Variants in PHF14 observed in about 807,000 individuals in gnomAD.
PHF14 encodes the protein PHD finger protein 14.
In PHF14, 55 loss-of-function variants were observed where a neutral mutation model predicts 117.9. That is an observed-to-expected ratio of 0.47 (90% confidence interval 0.38 to 0.58). PHF14 has a LOEUF of 0.58. PHF14 is among the 20% of genes least tolerant of loss of function. The probability of loss-of-function intolerance (pLI) is 0.00; values close to 1 mark genes in which losing one functional copy is unlikely to be tolerated. For missense variants in PHF14, 978 were observed against 1,122.2 expected (o/e 0.87, Z 1.84); for synonymous variants, 409 against 368.6 (o/e 1.11, Z -1.26).
At chr7:11,028,590 T>G in intron 6 of PHF14, 91 bp from the exon 7 acceptor site, 5 of 1,152,460 alleles carry the variant, frequency 4.3e-6, no homozygotes, top group Non-Finnish European at 6.3e-6. Context: ...TATTTAGCAT[T>G]TTAAATATTT....
chr7:11,098,175 C>T (rs1786947324), intron 16 of PHF14, among the ~76,000 whole-genome samples: 1 of 152,158 alleles, frequency 6.6e-6, no homozygotes, highest in Admixed American at 6.5e-5. Flanking sequence ...TCTATTCAGA[C>T]ATTTTGATGA....
At chr7:10,994,160 CA>C (rs1209864073) in intron 4 of PHF14, among the ~76,000 whole-genome samples, 6 of 151,552 alleles carry the variant, frequency 4.0e-5, no homozygotes, top group African/African-American at 1.5e-4. Flanking sequence ...AGATCTCAGC[CA>C]AGCACAATGG....
chr7:11,031,347 A>G (rs995835962), intron 7 of PHF14, among the ~76,000 whole-genome samples: 1 of 151,996 alleles, frequency 6.6e-6, no homozygotes, highest in Non-Finnish European at 1.5e-5. Context: ...TTTTTCATCT[A>G]CTTTGTGAAT....
At position 10,982,782 on chromosome 7, in the gene PHF14, G is replaced by A; in HGVS notation, c.523G>A (p.Glu175Lys). Residue 175 changes from glutamate to lysine, a missense_variant, in exon 3 of 18, where the codon GAA becomes AAA. Glu to Lys is a moderately conservative substitution (Grantham distance 56). Around this residue, in one of 7 missense-constraint regions of PHF14, gnomAD observed 414 missense variants for 376.4 expected, o/e 1.10. Transcript: ENST00000634607. The part of the protein sequence containing the change: ...SVPTTTTATE[E>K]QVSEPKKWNL... Reference sequence around the variant, plus strand: ...TCCCACTACGACAACCGCTACAGAGGAACAAGTCAGCGAGCCAAAAAAATG... The same window carrying A: ...TCCCACTACGACAACCGCTACAGAGAAACAAGTCAGCGAGCCAAAAAAATG... 2 of 1,613,824 alleles carry A rather than the reference G, an allele frequency of 1.2e-6. No individual in the cohort carries two copies. The highest frequency in any genetic ancestry group is 1.7e-6 in the Non-Finnish European group (2 of 1,179,858).
At chr7:10,980,364 T>TA (rs931554269) in intron 2 of PHF14, among the ~76,000 whole-genome samples, 5 of 152,162 alleles carry the variant, frequency 3.3e-5, no homozygotes, top group African/African-American at 9.6e-5. Context: ...TCAGTGTGCA[T>TA]AAAAAATCTT....
chr7:11,038,670 AT>A, intron 10 of PHF14, 89 bp from the exon 11 acceptor site: 1 of 359,620 alleles, frequency 2.8e-6, no homozygotes. Context: ...AAAAAAAAAA[AT>A]TATATATATA....
At chr7:11,133,561 C>T (rs1486122214) in intron 17 of PHF14, among the ~76,000 whole-genome samples, 1 of 151,882 alleles carries the variant, frequency 6.6e-6, no homozygotes, top group African/African-American at 2.4e-5. Flanking sequence ...CACTGAAAAT[C>T]TATTTGGAGC....
At chr7:11,113,074 G>T (rs1258307385) in intron 17 of PHF14, among the ~76,000 whole-genome samples, 4 of 151,802 alleles carry the variant, frequency 2.6e-5, no homozygotes, top group African/African-American at 9.7e-5. Flanking sequence ...TGCATTTTTT[G>T]TTTGGGATTT....
intron 17 of PHF14, among the ~76,000 whole-genome samples, chr7:11,162,381 C>T (rs967719783): frequency 2.6e-5 from 4 of 152,002 alleles, no homozygotes; most frequent in South Asian, 2.1e-4. Context: ...TGAGCCATGG[C>T]GCCTAGCCAG....
intron 17 of PHF14, among the ~76,000 whole-genome samples, chr7:11,150,482 G>C (rs757270020): frequency 6.6e-6 from 1 of 152,026 alleles, no homozygotes; most frequent in South Asian, 2.1e-4. Context: ...AAGAATTCAC[G>C]ACATAACTAC....
chr7:11,047,680 A>G lies in PHF14; in HGVS notation c.2313-3932A>G, dbSNP rs577736867. Among the ~76,000 whole-genome samples, 475 of 150,788 alleles carry G rather than the reference A, an allele frequency of 3.2e-3. 5 individuals are homozygous for G. The highest frequency in any genetic ancestry group is 0.011 in the African/African-American group (455 of 41,056). ...TGGGGATTCGTAATCCCTGCTACTCAGGAGGCTGAGGTAGAGAATTGCTTA... is the reference window on the plus strand; with the variant it reads ...TGGGGATTCGTAATCCCTGCTACTCGGGAGGCTGAGGTAGAGAATTGCTTA... On this transcript the variant is annotated intron_variant, in intron 13 of 17. Transcript: ENST00000634607.
chr7:11,103,818 A>G, intron 16 of PHF14: 1 of 983,480 alleles, frequency 1.0e-6, no homozygotes, highest in Non-Finnish European at 1.2e-6. Flanking sequence ...ATAAAAGTAA[A>G]ATGTGTATGA....
intron 17 of PHF14, among the ~76,000 whole-genome samples, chr7:11,129,673 G>C (rs1375963192): frequency 6.6e-6 from 1 of 151,226 alleles, no homozygotes; most frequent in East Asian, 1.9e-4. Flanking sequence ...ATTTTTATTG[G>C]ATAAAAATCT....
intron 17 of PHF14, among the ~76,000 whole-genome samples, chr7:11,118,615 G>A (rs541361802): frequency 1.7e-4 from 26 of 151,708 alleles, no homozygotes; most frequent in Non-Finnish European, 3.0e-4. Flanking sequence ...TCAAGTAGGT[G>A]GTTTTATTAA....
intron 17 of PHF14, among the ~76,000 whole-genome samples, chr7:11,123,020 C>T (rs1228962567): frequency 1.3e-5 from 2 of 152,174 alleles, no homozygotes; most frequent in African/African-American, 4.8e-5. Flanking sequence ...ACTTCTTTCT[C>T]GCCTTCAGTG....
chr7:11,166,509 G>T (rs545431413), intron 17 of PHF14, among the ~76,000 whole-genome samples: 3 of 152,074 alleles, frequency 2.0e-5, no homozygotes, highest in Non-Finnish European at 4.4e-5. Flanking sequence ...CTGGAACTGC[G>T]TATAAATTCT....
At chr7:11,084,956 T>G (rs1203850902) in intron 16 of PHF14, among the ~76,000 whole-genome samples, 1 of 152,164 alleles carries the variant, frequency 6.6e-6, no homozygotes, top group Non-Finnish European at 1.5e-5. Flanking sequence ...TTACATATCT[T>G]TGTATAAGTT....
Position 11,050,131 on chromosome 7 carries a change from A to C in PHF14, c.2313-1481A>C, listed in dbSNP as rs530875721. ...GTACTTGGTATTTAACTCTTGTTGG[A>C]GTTCAAAATTTAAAGCTGTCACTTT... On this transcript the variant is annotated intron_variant, in intron 13 of 17. Coordinates refer to ENST00000634607, the MANE Select transcript of PHF14 (RefSeq NM_001007157.2). Among the ~76,000 whole-genome samples the C allele has an allele frequency of 8.5e-5, 13 of 152,312 alleles. No individual in the cohort carries two copies. The South Asian group carries it at 2.5e-3, about 29-fold the overall frequency.
chr7:11,025,116 G>A (rs1333440457), intron 6 of PHF14, among the ~76,000 whole-genome samples: 1 of 152,160 alleles, frequency 6.6e-6, no homozygotes, highest in Non-Finnish European at 1.5e-5. Flanking sequence ...GAATTCAGTG[G>A]AGGAAGTCAC....
Sources: allele counts gnomAD v4.1 joint callset (sites outside exome capture counted in the v4.1 genomes callset), GRCh38; gene constraint gnomAD v4.1.1; regional missense constraint gnomAD v4.1.1; transcripts MANE v1.5; gene names NCBI Gene and HGNC (gene_info 2026-07-23, HGNC 2026-07-21).